Variants in GMDS observed in about 807,000 individuals in gnomAD.
GMDS encodes the protein GDP-mannose 4,6 dehydratase.
Under a neutral mutation model 49.9 loss-of-function variants are expected in GMDS, and 20 were observed. That is an observed-to-expected ratio of 0.40 (90% CI 0.28 to 0.58). The LOEUF is 0.58. Among genes scored for constraint, GMDS ranks in the 20% least tolerant of loss-of-function variants. The pLI is 0.42. For missense variants in GMDS, 362 were observed against 481.4 expected (o/e 0.75, Z 2.32); for synonymous variants, 177 against 178.6 (o/e 0.99, Z 0.07).
At chr6:1,663,722 C>T (rs1479328576) in intron 9 of GMDS, among the ~76,000 whole-genome samples, 1 of 152,150 alleles carries the variant, frequency 6.6e-6, no homozygotes, top group Non-Finnish European at 1.5e-5. Context: ...GCACAGGAGT[C>T]CCCCGGTGAC....
At chr6:1,794,959 G>T (rs1769681174) in intron 7 of GMDS, among the ~76,000 whole-genome samples, 1 of 152,168 alleles carries the variant, frequency 6.6e-6, no homozygotes, top group African/African-American at 2.4e-5. Context: ...GCTGAGGTGG[G>T]GTGGGTGATT....
chr6:2,133,772 C>T (rs1269752664), intron 1 of GMDS, among the ~76,000 whole-genome samples: 1 of 152,004 alleles, frequency 6.6e-6, no homozygotes, highest in Non-Finnish European at 1.5e-5. Flanking sequence ...AAGCATTTAC[C>T]CAGAAAGGTG....
intron 7 of GMDS, among the ~76,000 whole-genome samples, chr6:1,786,041 T>A (rs897814102): frequency 6.6e-6 from 1 of 152,124 alleles, no homozygotes; most frequent in Non-Finnish European, 1.5e-5. Flanking sequence ...GAAAAAAAAA[T>A]TCACGTAAAA....
At chr6:1,654,197 T>C (rs955920339) in intron 9 of GMDS, among the ~76,000 whole-genome samples, 3 of 152,230 alleles carry the variant, frequency 2.0e-5, no homozygotes, top group African/African-American at 7.2e-5. Context: ...AAAACGAGTA[T>C]GGTAGTTCCT....
intron 9 of GMDS, among the ~76,000 whole-genome samples, chr6:1,695,218 G>A (rs1765298595): frequency 6.6e-6 from 1 of 152,216 alleles, no homozygotes; most frequent in Non-Finnish European, 1.5e-5. Flanking sequence ...GAATCCTGAA[G>A]AGTCTGGCTA....
At chr6:2,102,235 TAA>T (rs1773966955) in intron 4 of GMDS, among the ~76,000 whole-genome samples, 3 of 152,098 alleles carry the variant, frequency 2.0e-5, no homozygotes, top group South Asian at 4.1e-4. Flanking sequence ...TCAAAAACTA[TAA>T]AGTGTATCAT....
intron 1 of GMDS, among the ~76,000 whole-genome samples, chr6:2,164,779 G>C (rs552927387): frequency 2.9e-4 from 44 of 152,290 alleles, no homozygotes; most frequent in African/African-American, 1.1e-3. Context: ...ACAACTTAAG[G>C]TTCTCCTTCA....
chr6:1,961,019 G>A, intron 4 of GMDS, 53 bp from the exon 5 acceptor site: 1 of 1,100,396 alleles, frequency 9.1e-7, no homozygotes, highest in Non-Finnish European at 1.3e-6. Context: ...TAGCACAAAG[G>A]TGCTGTCAGC....
intron 6 of GMDS, among the ~76,000 whole-genome samples, chr6:1,942,842 C>T (rs997176032): frequency 3.9e-5 from 6 of 152,192 alleles, no homozygotes; most frequent in African/African-American, 1.4e-4. Flanking sequence ...TTTGCCATTT[C>T]TAAAGCCAGA....
chr6:1,665,009 G>A (rs572476139), intron 9 of GMDS, among the ~76,000 whole-genome samples: 2 of 152,356 alleles, frequency 1.3e-5, no homozygotes, highest in African/African-American at 4.8e-5. Flanking sequence ...CACAGAGTAC[G>A]TGTATCTCTT....
rs537682406 is a variant in GMDS, at chr6:1,854,277, T to C, written c.771+75826A>G. Among the ~76,000 whole-genome samples, 11 of 152,280 alleles carry C rather than the reference T, an allele frequency of 7.2e-5. No individual in the cohort carries two copies. In the East Asian group the frequency reaches 1.7e-3, roughly 24 times the overall value. On this transcript the variant is annotated intron_variant, in intron 7 of 10. Transcript: ENST00000380815. ...GTGTGTATGGATGAGGCCACTGACA[T>C]TGAGTTTACCTTAATGGCATTATTT...
intron 1 of GMDS, among the ~76,000 whole-genome samples, chr6:2,207,853 C>T (rs1201599131): frequency 1.3e-5 from 2 of 151,850 alleles, no homozygotes; most frequent in Non-Finnish European, 2.9e-5. Context: ...CTAAGGGACA[C>T]AGTAAATTCC....
chr6:2,006,525 A>AT (rs1767188960), intron 4 of GMDS, among the ~76,000 whole-genome samples: 1 of 152,186 alleles, frequency 6.6e-6, no homozygotes, highest in Admixed American at 6.6e-5. Context: ...ATCTCTGCTC[A>AT]TAATTACTAT....
intron 7 of GMDS, among the ~76,000 whole-genome samples, chr6:1,747,486 G>GCA (rs1767552382): frequency 7.7e-5 from 1 of 12,912 alleles, no homozygotes; most frequent in African/African-American, 9.5e-5. Flanking sequence ...TCATGCGTGT[G>GCA]CGCGCACACA....
At chr6:2,153,925 G>C (rs1175518302) in intron 1 of GMDS, among the ~76,000 whole-genome samples, 1 of 152,128 alleles carries the variant, frequency 6.6e-6, no homozygotes, top group Non-Finnish European at 1.5e-5. Context: ...AGTATTGCTA[G>C]AAAACATACC....
intron 7 of GMDS, among the ~76,000 whole-genome samples, chr6:1,928,911 G>A (rs1383313729): frequency 6.6e-6 from 1 of 152,158 alleles, no homozygotes; most frequent in Non-Finnish European, 1.5e-5. Flanking sequence ...CGAGGTTGTA[G>A]TGAGGCGAAA....
intron 7 of GMDS, among the ~76,000 whole-genome samples, chr6:1,897,966 C>CACTGGG (rs2113852958): frequency 1.7e-5 from 2 of 117,852 alleles, no homozygotes; most frequent in African/African-American, 6.1e-5. Flanking sequence ...CCTTGCCATC[C>CACTGGG]TGGACACCTA....
At chr6:1,940,306 T>A (rs1411301439) in intron 6 of GMDS, among the ~76,000 whole-genome samples, 2 of 152,248 alleles carry the variant, frequency 1.3e-5, no homozygotes, top group Non-Finnish European at 2.9e-5. Flanking sequence ...AGCTTTTGAT[T>A]TAAAGATTTT....
In GMDS at chr6:1,696,617, A is replaced by C. The variant is rs140737641; in HGVS notation, c.987+29799T>G. 7.7e-3 allele frequency among the ~76,000 whole-genome samples: 1,172 copies of C among 152,356 alleles called. 6 individuals are homozygous for C. The highest frequency in any genetic ancestry group is 0.012 in the Non-Finnish European group (800 of 68,030). Reference sequence around the variant, plus strand: ...TCTCCTCAAGACAAGCTAAGGCAGAAGGTAAGGCAGACATTATGATGTCCA... The same window carrying C: ...TCTCCTCAAGACAAGCTAAGGCAGACGGTAAGGCAGACATTATGATGTCCA... On this transcript the variant is annotated intron_variant, in intron 9 of 10. Coordinates refer to ENST00000380815, the MANE Select transcript of GMDS (RefSeq NM_001500.4).
Sources: allele counts gnomAD v4.1 joint callset (sites outside exome capture counted in the v4.1 genomes callset), GRCh38; gene constraint gnomAD v4.1.1; transcripts MANE v1.5; gene names NCBI Gene and HGNC (gene_info 2026-07-23, HGNC 2026-07-21).